The following ATXN10 variants were observed in gnomAD, a reference collection of about 807,000 sequenced individuals.
The protein encoded by ATXN10 is ataxin-10.
A neutral mutation model predicts 52.9 loss-of-function variants in ATXN10; 28 were observed. That is an observed-to-expected ratio of 0.53 (90% confidence interval 0.39 to 0.73). ATXN10 has a LOEUF of 0.73. Among genes scored for constraint, ATXN10 ranks in the 30% least tolerant of loss-of-function variants. The probability of loss-of-function intolerance (pLI) is 0.00; values close to 1 mark genes in which losing one functional copy is unlikely to be tolerated. For synonymous variants in ATXN10, 226 were observed against 221.5 expected (o/e 1.02, Z -0.18); for missense variants, 565 against 577.0 (o/e 0.98, Z 0.21).
In ATXN10 at chr22:45,825,341, C is replaced by A. The variant is rs1928781237; in HGVS notation, c.1238-17650C>A. Among the ~76,000 whole-genome samples the A allele has an allele frequency of 6.6e-6, 1 of 152,062 alleles. No homozygotes were observed. The highest frequency in any genetic ancestry group is 2.4e-5 in the African/African-American group (1 of 41,394). ...TCTTCCCTTTATTTTTCTTTTGCATCTTTTGGGAACCAGGCATTAAATACT... is the reference window on the plus strand; with the variant it reads ...TCTTCCCTTTATTTTTCTTTTGCATATTTTGGGAACCAGGCATTAAATACT... On this transcript the variant is annotated intron_variant, in intron 10 of 11. Coordinates refer to ENST00000252934, the MANE Select transcript of ATXN10 (RefSeq NM_013236.4). This position sits in a 1 kb window ranked among gnomAD's most constrained non-coding sequence, Gnocchi z 4.5.
chr22:45,734,733 T>A (rs1925223443), intron 7 of ATXN10, among the ~76,000 whole-genome samples: 1 of 151,794 alleles, frequency 6.6e-6, no homozygotes, highest in Non-Finnish European at 1.5e-5. Flanking sequence ...TATTTATGTC[T>A]TTTGACTATC....
At position 45,708,845 on chromosome 22, in the gene ATXN10, C is replaced by T. The variant is rs1924136485; in HGVS notation, c.647+5998C>T. Among the ~76,000 whole-genome samples, 1 of 152,038 alleles carries T rather than the reference C, an allele frequency of 6.6e-6. No individual in the cohort carries two copies. The highest frequency in any genetic ancestry group is 2.1e-4 in the South Asian group (1 of 4,818). ...TGGTAGAGATGGGGTTTCATCATGT[C>T]AGCCAGCCTGGTCTTGAACTCCTGA... On this transcript the variant is annotated intron_variant, in intron 5 of 11. Transcript: ENST00000252934. The surrounding 1 kb of genome is among the most constrained non-coding windows in gnomAD (Gnocchi z 5.3).
At chr22:45,675,685 A>G (rs906740754) in intron 1 of ATXN10, 2 of 152,144 alleles carry the variant, frequency 1.3e-5, no homozygotes, top group African/African-American at 4.8e-5. Flanking sequence ...CTCATGAGAC[A>G]CCCTAAGCCT....
chr22:45,765,820 T>C (rs1926562040), intron 9 of ATXN10, among the ~76,000 whole-genome samples: 1 of 152,228 alleles, frequency 6.6e-6, no homozygotes, highest in Admixed American at 6.5e-5. Flanking sequence ...CTCCTTACAT[T>C]AATTTACAAA....
At chr22:45,831,764 C>G (rs1249417286) in intron 10 of ATXN10, among the ~76,000 whole-genome samples, 1 of 152,170 alleles carries the variant, frequency 6.6e-6, no homozygotes, top group Non-Finnish European at 1.5e-5. Context: ...CTTTTCTGTA[C>G]TATCGTTTGA....
rs376172906 is a variant in ATXN10 at position 45,837,785 on chromosome 22, G to A, written c.1238-5206G>A. Among the ~76,000 whole-genome samples the A allele has an allele frequency of 2.6e-5, 4 of 152,174 alleles. No individual in the cohort carries two copies. The highest frequency in any genetic ancestry group is 2.1e-4 in the South Asian group (1 of 4,832). Reference sequence around the variant, plus strand: ...GCCGTAGAACCTTGTTTACGGATACGGACATTTGAATTTCAAATTTTCATG... The same window carrying A: ...GCCGTAGAACCTTGTTTACGGATACAGACATTTGAATTTCAAATTTTCATG... On this transcript the variant is annotated intron_variant, in intron 10 of 11. Coordinates refer to ENST00000252934, the MANE Select transcript of ATXN10 (RefSeq NM_013236.4). This position sits in a 1 kb window ranked among gnomAD's most constrained non-coding sequence, Gnocchi z 5.8.
At chr22:45,809,247 G>C (rs1452560220) in intron 10 of ATXN10, among the ~76,000 whole-genome samples, 40 of 152,222 alleles carry the variant, frequency 2.6e-4, no homozygotes, top group Non-Finnish European at 1.2e-4. Flanking sequence ...GCTTCTTCCA[G>C]GCCATTCCCA....
At chr22:45,799,804 C>A (rs1313513143) in intron 9 of ATXN10, among the ~76,000 whole-genome samples, 1 of 152,148 alleles carries the variant, frequency 6.6e-6, no homozygotes, top group African/African-American at 2.4e-5. Context: ...TATATTACTT[C>A]TTTCATGACT....
intron 9 of ATXN10, among the ~76,000 whole-genome samples, chr22:45,743,828 C>T (rs1368688525): frequency 6.6e-6 from 1 of 152,190 alleles, no homozygotes; most frequent in Admixed American, 6.5e-5. Context: ...TAAGGAGAGG[C>T]CATCCAGTTA....
At chr22:45,749,671 C>T (rs1489251109) in intron 9 of ATXN10, among the ~76,000 whole-genome samples, 2 of 151,652 alleles carry the variant, frequency 1.3e-5, no homozygotes, top group African/African-American at 2.4e-5. Flanking sequence ...AGGCAGTTCT[C>T]CTACCTCAGC....
At chr22:45,803,493 G>A (rs948893138) in intron 9 of ATXN10, among the ~76,000 whole-genome samples, 12 of 152,252 alleles carry the variant, frequency 7.9e-5, no homozygotes, top group Admixed American at 2.0e-4. Context: ...AACTATGAGC[G>A]TGAAAACCAA....
At chr22:45,734,907 T>TA (rs969597991) in intron 7 of ATXN10, among the ~76,000 whole-genome samples, 5 of 114,376 alleles carry the variant, frequency 4.4e-5, no homozygotes, top group African/African-American at 2.3e-4. Context: ...TATTTTGAGA[T>TA]AGAGTCTTGC....
intron 1 of ATXN10, among the ~76,000 whole-genome samples, chr22:45,682,391 C>T (rs5764823): frequency 0.87 from 132,317 of 152,010 alleles, 57,909 homozygotes; most frequent in African/African-American, 0.96. Flanking sequence ...ATCTGCAGCC[C>T]TGACCTCCCA....
intron 9 of ATXN10, chr22:45,793,000 G>C (rs1601649384): frequency 1.3e-5 from 4 of 307,300 alleles, no homozygotes; most frequent in Non-Finnish European, 2.7e-5. Flanking sequence ...CCACCCAAAT[G>C]CTTTCTCCTA....
Position 45,805,275 on chromosome 22 carries a change from T to G in ATXN10, c.1174-1684T>G, listed in dbSNP as rs1928063075. Among the ~76,000 whole-genome samples, 1 of 152,240 alleles carries G rather than the reference T, an allele frequency of 6.6e-6. No homozygotes were observed. The highest frequency in any genetic ancestry group is 2.1e-4 in the South Asian group (1 of 4,828). On this transcript the variant is annotated intron_variant, in intron 9 of 11. Coordinates refer to ENST00000252934, the MANE Select transcript of ATXN10 (RefSeq NM_013236.4). This position sits in a 1 kb window ranked among gnomAD's most constrained non-coding sequence, Gnocchi z 4.4. ...TGCTGGGTGAAAATGTAAAATACTG[T>G]AAACACTGTGAAAACAGTCTGGCTG... is the stretch of plus-strand genomic sequence containing the variant.
At chr22:45,726,108 G>C (rs753141758) in intron 6 of ATXN10, among the ~76,000 whole-genome samples, 1 of 152,070 alleles carries the variant, frequency 6.6e-6, no homozygotes, top group Non-Finnish European at 1.5e-5. Flanking sequence ...TTGGTCTGTG[G>C]TTTTCTTTTT....
At chr22:45,704,256 G>T (rs1479583731) in intron 5 of ATXN10, among the ~76,000 whole-genome samples, 1 of 145,506 alleles carries the variant, frequency 6.9e-6, no homozygotes, top group Non-Finnish European at 1.5e-5. Flanking sequence ...CAGTTTTGTT[G>T]TCCTGGGTCC....
At position 45,693,046 on chromosome 22, in the gene ATXN10, A is replaced by T. The variant is rs758315458; in HGVS notation, c.359A>T (p.Glu120Val). 1.1e-5 allele frequency: 18 copies of T among 1,613,966 alleles called. No homozygotes were observed. Among genetic ancestry groups the T allele is most frequent in the Non-Finnish European group, 5.1e-6 (6 of 1,179,984 alleles). ...VAVDLILLFR[E>V]LRVEQESLLT... ...GTTGATTTGATTCTTCTGTTTCGTG[A>T]ACTGCGAGTGGAACAGGAATCTCTG... The change falls in exon 3 of 12, where the codon GAA (glutamate) becomes GTA (valine). Residue 120 changes from glutamate to valine, a missense_variant. Transcript: ENST00000252934.
chr22:45,776,618 T>C (rs1185382977), intron 9 of ATXN10, among the ~76,000 whole-genome samples: 1 of 152,130 alleles, frequency 6.6e-6, no homozygotes, highest in Non-Finnish European at 1.5e-5. Flanking sequence ...CCTGCATGGC[T>C]CAGCTGCCCA....
Sources: allele counts gnomAD v4.1 joint callset (sites outside exome capture counted in the v4.1 genomes callset), GRCh38; gene constraint gnomAD v4.1.1; non-coding constraint Gnocchi (gnomAD v3.1); transcripts MANE v1.5; gene names NCBI Gene and HGNC (gene_info 2026-07-23, HGNC 2026-07-21).